Variants in RRP12 observed in about 807,000 individuals in gnomAD.
RRP12 encodes the protein ribosomal RNA processing 12 homolog.
A neutral mutation model predicts 157.3 loss-of-function variants in RRP12; 78 were observed. That is an observed-to-expected ratio of 0.50 (90% CI 0.41 to 0.60). The LOEUF (loss-of-function observed/expected upper bound fraction) is 0.60, where lower values mean the gene tolerates loss of function less well. Among genes scored for constraint, RRP12 ranks in the 20% least tolerant of loss-of-function variants. The probability of loss-of-function intolerance (pLI) is 0.00; values close to 1 mark genes in which losing one functional copy is unlikely to be tolerated. For synonymous variants in RRP12, 726 were observed against 670.9 expected (o/e 1.08, Z -1.27); for missense variants, 1,521 against 1,679.9 (o/e 0.91, Z 1.65).
At position 97,401,061 on chromosome 10, in the gene RRP12, C is replaced by A. The variant is rs770597752; in HGVS notation, c.139+32G>T. On this transcript the variant is annotated intron_variant, in intron 1 of 33. Coordinates refer to ENST00000370992, the MANE Select transcript of RRP12 (RefSeq NM_015179.4). ...GACCCAGGTCTGCCTGGAACCCCGC[C>A]CCCGGCTGCGCTCGGGTCTCAACCC... 8.1e-6 allele frequency: 13 copies of A among 1,608,080 alleles called. No homozygotes were observed. In the East Asian group the frequency reaches 2.5e-4, roughly 30 times the overall value.
intron 4 of RRP12, among the ~76,000 whole-genome samples, chr10:97,391,339 A>C (rs1433805846): frequency 3.9e-5 from 6 of 152,162 alleles, no homozygotes; most frequent in Non-Finnish European, 8.8e-5. Context: ...TGGGAGGCCA[A>C]GGTGGGCAGA....
chr10:97,359,036 G>A (rs1184714649), intron 31 of RRP12, 26 bp from the exon 32 acceptor site: 4 of 1,602,014 alleles, frequency 2.5e-6, no homozygotes, highest in Middle Eastern at 1.7e-4. Flanking sequence ...AGGACCATGA[G>A]TCAGGCAAAG....
intron 2 of RRP12, among the ~76,000 whole-genome samples, chr10:97,397,438 A>C (rs1006311640): frequency 2.0e-5 from 3 of 152,190 alleles, no homozygotes; most frequent in African/African-American, 7.2e-5. Flanking sequence ...CTAGGATTAC[A>C]GGCGTGAGCC....
At chr10:97,359,469 AG>A (rs1244317738) in intron 31 of RRP12, among the ~76,000 whole-genome samples, 1 of 152,228 alleles carries the variant, frequency 6.6e-6, no homozygotes, top group Non-Finnish European at 1.5e-5. Flanking sequence ...ACACTGAGAT[AG>A]CAGGTAGCTA....
At chr10:97,386,989 C>CA (rs138567327) in intron 8 of RRP12, among the ~76,000 whole-genome samples, 83 of 143,624 alleles carry the variant, frequency 5.8e-4, no homozygotes, top group African/African-American at 1.4e-3. Context: ...GACTCCATCA[C>CA]AAAAAAAAAA....
intron 1 of RRP12, 94 bp from the exon 2 acceptor site, chr10:97,400,628 C>A: frequency 2.0e-6 from 2 of 984,736 alleles, no homozygotes; most frequent in Non-Finnish European, 1.5e-6. Flanking sequence ...GGCCAAATCT[C>A]CAACCCGAGA....
chr10:97,372,868 G>A, intron 18 of RRP12, 65 bp from the exon 19 acceptor site: 14 of 1,496,206 alleles, frequency 9.4e-6, no homozygotes, highest in Non-Finnish European at 1.3e-5. Flanking sequence ...AGCAGCAATG[G>A]CAGCAGTCCC....
chr10:97,398,048 T>A (rs1212531540), intron 2 of RRP12, among the ~76,000 whole-genome samples: 1 of 58,610 alleles, frequency 1.7e-5, no homozygotes, highest in Non-Finnish European at 3.3e-5. Context: ...TATTTTTTTT[T>A]TTTTTTTTTT....
At chr10:97,381,076 C>T (rs1487809325) in intron 12 of RRP12, among the ~76,000 whole-genome samples, 163 bp from the exon 13 acceptor site, 1 of 152,224 alleles carries the variant, frequency 6.6e-6, no homozygotes, top group Non-Finnish European at 1.5e-5. Context: ...GACATGCCCA[C>T]ACTCCCTATG....
In RRP12 at chr10:97,381,497, C is replaced by A; in HGVS notation, c.1321-14G>T. On this transcript the variant is annotated splice_polypyrimidine_tract_variant and intron_variant, in intron 11 of 33. Transcript: ENST00000370992. Reference sequence around the variant, plus strand: ...CTTCAGGATCTCCTGCGAAGAGAGGCCACAGGCTTTCTGGGCCCAAGGCAG... The same window carrying A: ...CTTCAGGATCTCCTGCGAAGAGAGGACACAGGCTTTCTGGGCCCAAGGCAG... The A allele has an allele frequency of 6.3e-7, 1 of 1,595,370 alleles. No individual in the cohort carries two copies. Among genetic ancestry groups the A allele is most frequent in the Non-Finnish European group, 8.5e-7 (1 of 1,170,032 alleles).
intron 31 of RRP12, among the ~76,000 whole-genome samples, 183 bp downstream of exon 31, chr10:97,360,363 C>A (rs1351475958): frequency 1.3e-5 from 2 of 152,180 alleles, no homozygotes; most frequent in Non-Finnish European, 2.9e-5. Context: ...CTCTCTCACA[C>A]CCCCAGGGCC....
rs200244533 is a variant in RRP12, at chr10:97,388,260, T to G, written c.1009A>C (p.Ser337Arg). Reference sequence around the variant, plus strand: ...TTTGGGCCTGAGCTCACCACATGGCTCAAGGTCATGACCCTGAGGAGAGTC... The same window carrying G: ...TTTGGGCCTGAGCTCACCACATGGCGCAAGGTCATGACCCTGAGGAGAGTC... Reference protein sequence around the residue: ...SETLLRVMTLSHVLVTACAMQ... With the variant: ...SETLLRVMTLRHVLVTACAMQ... The change falls in exon 8 of 34, where the codon AGC (serine) becomes CGC (arginine). Residue 337 changes from serine (S) to arginine (R), a missense_variant. Coordinates refer to ENST00000370992, the MANE Select transcript of RRP12 (RefSeq NM_015179.4). 21 of 1,613,800 alleles carry G rather than the reference T, an allele frequency of 1.3e-5. No individual in the cohort carries two copies. In the East Asian group the frequency reaches 1.3e-4, roughly 10 times the overall value.
At position 97,382,864 on chromosome 10, in the gene RRP12, C is replaced by T. The variant is rs139636074; in HGVS notation, c.1209-1038G>A. On this transcript the variant is annotated intron_variant, in intron 10 of 33. Coordinates refer to ENST00000370992, the MANE Select transcript of RRP12 (RefSeq NM_015179.4). ...GCAACCTCCACCCCAGAGGTTCAAG[C>T]GATTCTCGTGCCTCAGCCTCCCAAG... Among the ~76,000 whole-genome samples the T allele has an allele frequency of 7.8e-3, 1,179 of 151,932 alleles. 16 individuals are homozygous for T. Among genetic ancestry groups the T allele is most frequent in the African/African-American group, 0.026 (1,086 of 41,382 alleles).
chr10:97,381,700 C>T lies in RRP12; in HGVS notation c.1320+15G>A. 6.2e-7 allele frequency: 1 copy of T among 1,602,518 alleles called. No homozygotes were observed. The highest frequency in any genetic ancestry group is 8.6e-7 in the Non-Finnish European group (1 of 1,169,466). ...CCCCCTGTGCTCTCTGCTTCCTCAG[C>T]TAAAGTTGCAGTACCTTGAGGCTCT... On this transcript the variant is annotated intron_variant, in intron 11 of 33. Coordinates refer to ENST00000370992, the MANE Select transcript of RRP12 (RefSeq NM_015179.4).
chr10:97,373,020 CTCCT>C, intron 18 of RRP12, 22 bp downstream of exon 18: 1 of 1,592,640 alleles, frequency 6.3e-7, no homozygotes, highest in Non-Finnish European at 8.6e-7. Context: ...CCCCTCCTCC[CTCCT>C]TCCCTCCCTT....
intron 3 of RRP12, 101 bp downstream of exon 3, chr10:97,396,117 T>A: frequency 1.2e-6 from 1 of 831,284 alleles, no homozygotes; most frequent in East Asian, 2.5e-5. Flanking sequence ...CTGGTCAAGG[T>A]TGTCCTTCTC....
rs199706589 is a variant in RRP12, at chr10:97,370,927, T to C, written c.2498A>G (p.Lys833Arg). 1.0e-4 allele frequency: 162 copies of C among 1,613,894 alleles called. No homozygotes were observed. The highest frequency in any genetic ancestry group is 1.3e-4 in the Non-Finnish European group (157 of 1,179,930). ...DSLRSTSSPA[K>R]RPRLKCLLHI... ...GGGTGGCCCTAGAGCCCTCACCCTC[T>C]TGGCGGGTGAGGAGGTGCTCCGCAG... The change falls in exon 21 of 34, where the codon AAG becomes AGG. Residue 833 changes from lysine (K) to arginine (R), a missense_variant. By Grantham distance (26) the Lys-to-Arg change is conservative. Coordinates refer to ENST00000370992, the MANE Select transcript of RRP12 (RefSeq NM_015179.4).
At position 97,379,408 on chromosome 10, in the gene RRP12, A is replaced by C. The variant is rs1438699829; in HGVS notation, c.1683T>G (p.Thr561=). 3 of 1,614,042 alleles carry C rather than the reference A, an allele frequency of 1.9e-6. No homozygotes were observed. Among genetic ancestry groups the C allele is most frequent in the Non-Finnish European group, 1.7e-6 (2 of 1,180,012 alleles). ...GCAGCCAGCTCCGTGGGAAATCCAGAGTCTCCCTGGGAAGAGAATGGGAAG... is the reference window on the plus strand; with the variant it reads ...GCAGCCAGCTCCGTGGGAAATCCAGCGTCTCCCTGGGAAGAGAATGGGAAG... ...VPLEIDGSEE[T]LDFPRSWLLP... The change falls in exon 15 of 34, where the codon ACT becomes ACG. Residue 561 remains threonine (T), a synonymous_variant. Coordinates refer to ENST00000370992, the MANE Select transcript of RRP12 (RefSeq NM_015179.4).
At chr10:97,363,997 G>A in intron 29 of RRP12, 94 bp from the exon 30 acceptor site, 1 of 1,101,328 alleles carries the variant, frequency 9.1e-7, no homozygotes, top group Non-Finnish European at 1.4e-6. Flanking sequence ...AGGCTGCGGG[G>A]CCACCAACTC....
Sources: gnomAD v4.1 joint callset for allele counts (sites outside exome capture counted in the v4.1 genomes callset) on GRCh38, gnomAD v4.1.1 for gene constraint, MANE v1.5 for transcripts, NCBI Gene and HGNC (gene_info 2026-07-23, HGNC 2026-07-21) for gene names.